Variants in POFUT1 observed in about 807,000 individuals in gnomAD.
The protein encoded by POFUT1 is GDP-fucose protein O-fucosyltransferase 1.
A neutral mutation model predicts 42.4 loss-of-function variants in POFUT1; 16 were observed. That is an observed-to-expected ratio of 0.38 (90% confidence interval 0.26 to 0.57). The LOEUF is 0.57. Ranked by LOEUF, POFUT1 falls within the 20% of genes least tolerant of loss-of-function variation. The pLI is 0.71. For synonymous variants in POFUT1, 206 were observed against 205.4 expected (o/e 1.00, Z -0.03); for missense variants, 470 against 504.6 (o/e 0.93, Z 0.66).
chr20:32,228,346 A>G lies in POFUT1; in HGVS notation c.626A>G (p.Gln209Arg). Residue 209 changes from glutamine (Q) to arginine (R), a missense_variant, in exon 5 of 7, where the codon CAG becomes CGG. Coordinates refer to ENST00000375749, the MANE Select transcript of POFUT1 (RefSeq NM_015352.2). ...FPVLEEHRPL[Q>R]KYMVWSDEMV... is the part of the protein sequence containing the mutation. The stretch of plus-strand genomic sequence containing the variant: ...GTCCTAGAGGAACACAGGCCACTAC[A>G]GAAGTACATGGTATGGTCAGACGAA... 1 of 1,614,128 alleles carries G rather than the reference A, an allele frequency of 6.2e-7. No individual in the cohort carries two copies.
chr20:32,232,220 T>C (rs2047447095), intron 6 of POFUT1, among the ~76,000 whole-genome samples: 1 of 152,064 alleles, frequency 6.6e-6, no homozygotes, highest in Non-Finnish European at 1.5e-5. Flanking sequence ...CTCATGCCTG[T>C]AATCCCAGGC....
intron 6 of POFUT1, among the ~76,000 whole-genome samples, chr20:32,232,327 G>A (rs1481024637): frequency 6.6e-6 from 1 of 151,896 alleles, no homozygotes; most frequent in Non-Finnish European, 1.5e-5. Flanking sequence ...AAGAAAGAAA[G>A]AAAGAAAAGC....
In POFUT1 at chr20:32,235,495, A is replaced by G. The variant is rs933892462; in HGVS notation, c.*834A>G. On this transcript the variant is annotated 3_prime_UTR_variant, in exon 7 of 7. Coordinates refer to ENST00000375749, the MANE Select transcript of POFUT1 (RefSeq NM_015352.2). ...GCCCCAGTGGGGCCTGGTTGGTAGA[A>G]TGTTGGCATTCGGTTGATATCCAAA... The G allele has an allele frequency of 6.6e-6, 1 of 152,228 alleles. No individual in the cohort carries two copies. The highest frequency in any genetic ancestry group is 2.4e-5 in the African/African-American group (1 of 41,448). The allele number at this position is 152,228 out of a possible 1,614,324, so 9.4% of individuals were successfully genotyped here. A position where few individuals can be genotyped will look rare whatever the true frequency, so the allele number is the denominator to read the frequency against.
chr20:32,222,776 C>A (rs945853020), intron 4 of POFUT1: 1 of 985,286 alleles, frequency 1.0e-6, no homozygotes, highest in Non-Finnish European at 1.2e-6. Context: ...ATTCAGCTGA[C>A]GCTTACTGCA....
chr20:32,221,437 A>G (rs1390058072), intron 4 of POFUT1, among the ~76,000 whole-genome samples: 3 of 152,104 alleles, frequency 2.0e-5, no homozygotes, highest in Non-Finnish European at 1.5e-5. Flanking sequence ...CTTGTCAGGC[A>G]TAGTGGCTCA....
intron 6 of POFUT1, among the ~76,000 whole-genome samples, chr20:32,233,305 C>T (rs557021356): frequency 6.6e-5 from 10 of 152,224 alleles, no homozygotes; most frequent in African/African-American, 2.4e-4. Context: ...CAAGGAGGCA[C>T]CACTGAAGCC....
chr20:32,225,483 G>A (rs755016160), intron 4 of POFUT1, among the ~76,000 whole-genome samples: 18 of 150,670 alleles, frequency 1.2e-4, no homozygotes, highest in Admixed American at 8.6e-4. Context: ...CACCGCGCCC[G>A]GTCAACTTTT....
chr20:32,230,804 C>A lies in POFUT1; in HGVS notation c.736-15C>A, dbSNP rs756250789. On this transcript the variant is annotated splice_polypyrimidine_tract_variant and intron_variant, in intron 5 of 6. Coordinates refer to ENST00000375749, the MANE Select transcript of POFUT1 (RefSeq NM_015352.2). ...GCAGTTGCCAGTATTTAACCCTGTTCCCCGCTCTCCGTAGAAGAACGCCTG... is the reference window on the plus strand; with the variant it reads ...GCAGTTGCCAGTATTTAACCCTGTTACCCGCTCTCCGTAGAAGAACGCCTG... 1.2e-6 allele frequency: 2 copies of A among 1,611,030 alleles called. No homozygotes were observed. Among genetic ancestry groups the A allele is most frequent in the African/African-American group, 2.7e-5 (2 of 75,044 alleles).
chr20:32,211,694 C>T (rs2047330093), intron 2 of POFUT1, among the ~76,000 whole-genome samples: 1 of 152,224 alleles, frequency 6.6e-6, no homozygotes, highest in Non-Finnish European at 1.5e-5. Flanking sequence ...CTGTGGCTTA[C>T]TAACCTGCTC....
At chr20:32,219,188 T>C (rs1310972927) in intron 4 of POFUT1, among the ~76,000 whole-genome samples, 1 of 152,124 alleles carries the variant, frequency 6.6e-6, no homozygotes, top group Non-Finnish European at 1.5e-5. Context: ...ACTCATAGTC[T>C]AACAGGGGAG....
At chr20:32,216,203 C>G (rs1369929595) in intron 3 of POFUT1, among the ~76,000 whole-genome samples, 2 of 152,232 alleles carry the variant, frequency 1.3e-5, no homozygotes, top group African/African-American at 4.8e-5. Flanking sequence ...AGTGCCCTTA[C>G]TGGCTGTGTA....
intron 6 of POFUT1, 73 bp downstream of exon 6, chr20:32,231,134 T>A: frequency 1.3e-6 from 2 of 1,534,166 alleles, no homozygotes; most frequent in East Asian, 2.5e-5. Flanking sequence ...CACTGCCCAC[T>A]GCATGCTTCA....
chr20:32,209,735 C>T (rs76286493), intron 1 of POFUT1, among the ~76,000 whole-genome samples: 206 of 152,266 alleles, frequency 1.4e-3, no homozygotes, highest in Non-Finnish European at 2.5e-3. Flanking sequence ...ATGAGGCATT[C>T]GAGTTGCCCG....
intron 4 of POFUT1, among the ~76,000 whole-genome samples, chr20:32,227,656 G>C (rs2047421557): frequency 2.0e-5 from 3 of 152,258 alleles, no homozygotes; most frequent in Admixed American, 2.0e-4. Context: ...GATGGACTGT[G>C]TATGAGGGGG....
chr20:32,225,145 T>C (rs2047408306), intron 4 of POFUT1, among the ~76,000 whole-genome samples: 1 of 152,182 alleles, frequency 6.6e-6, no homozygotes, highest in African/African-American at 2.4e-5. Context: ...GATCAAAATA[T>C]CATATTGTAT....
chr20:32,228,281 T>G lies in POFUT1; in HGVS notation c.561T>G (p.His187Gln), dbSNP rs765056122. 1.9e-6 allele frequency: 3 copies of G among 1,613,620 alleles called. No individual in the cohort carries two copies. Among genetic ancestry groups the G allele is most frequent in the South Asian group, 2.2e-5 (2 of 90,982 alleles). ...QWSQRFSPKEHPVLALPGAPA... is the reference protein window; with the variant it reads ...QWSQRFSPKEQPVLALPGAPA... ...TGTCTAGATTTTCTCCAAAGGAACA[T>G]CCGGTGCTTGCCCTGCCAGGAGCCC... is the stretch of plus-strand genomic sequence containing the variant. The change falls in exon 5 of 7, where the codon CAT (histidine) becomes CAG (glutamine). Residue 187 changes from histidine (H) to glutamine (Q), a missense_variant. Physicochemically the swap from His to Gln is conservative, Grantham distance 24. Coordinates refer to ENST00000375749, the MANE Select transcript of POFUT1 (RefSeq NM_015352.2).
intron 1 of POFUT1, among the ~76,000 whole-genome samples, chr20:32,209,608 AG>A (rs1297082903): frequency 6.6e-6 from 1 of 152,252 alleles, no homozygotes; most frequent in Non-Finnish European, 1.5e-5. Flanking sequence ...TACGAAGGCC[AG>A]GAAGTGAGCA....
chr20:32,223,006 A>G (rs945736934), intron 4 of POFUT1: 2 of 985,416 alleles, frequency 2.0e-6, no homozygotes, highest in South Asian at 4.7e-5. Flanking sequence ...TGCCTTGTTC[A>G]TGTCCCTGGG....
Position 32,230,946 on chromosome 20 carries a change from A to G in POFUT1, c.863A>G (p.Lys288Arg), listed in dbSNP as rs1205311310. 1.9e-6 allele frequency: 3 copies of G among 1,614,194 alleles called. No individual in the cohort carries two copies. Among genetic ancestry groups the G allele is most frequent in the Non-Finnish European group, 2.5e-6 (3 of 1,180,014 alleles). Residue 288 changes from lysine to arginine, a missense_variant, in exon 6 of 7, where the codon AAG becomes AGG. Coordinates refer to ENST00000375749, the MANE Select transcript of POFUT1 (RefSeq NM_015352.2). Reference sequence around the variant, plus strand: ...ATGACTATGTGCCTGCCTGACCTGAAGGAGATCCAGAGGGCTGTGAAGCTC... The same window carrying G: ...ATGACTATGTGCCTGCCTGACCTGAGGGAGATCCAGAGGGCTGTGAAGCTC... ...LTMTMCLPDL[K>R]EIQRAVKLWV...
Sources: gnomAD v4.1 joint callset for allele counts (sites outside exome capture counted in the v4.1 genomes callset) on GRCh38, gnomAD v4.1.1 for gene constraint, MANE v1.5 for transcripts, NCBI Gene and HGNC (gene_info 2026-07-23, HGNC 2026-07-21) for gene names.